Variants in CIT observed in about 807,000 individuals in gnomAD.
The protein encoded by CIT is citron rho-interacting serine/threonine kinase, also known as citron Rho-interacting kinase.
In CIT, 79 loss-of-function variants were observed where a neutral mutation model predicts 272.7. The ratio of observed to expected loss-of-function variants is 0.29; its 90% CI spans 0.24 to 0.35. The LOEUF (loss-of-function observed/expected upper bound fraction) is 0.35. Ranked by LOEUF, CIT falls within the 10% of genes least tolerant of loss-of-function variation. The pLI is 1.00. For missense variants in CIT, 1,909 were observed against 2,618.3 expected, an observed-to-expected ratio of 0.73 and a Z score of 5.91; for synonymous variants, 948 against 995.6, an observed-to-expected ratio of 0.95 and a Z score of 0.90.
intron 3 of CIT, among the ~76,000 whole-genome samples, chr12:119,862,848 CCAAAAA>C (rs1950395337): frequency 1.6e-5 from 1 of 62,180 alleles, no homozygotes; most frequent in African/African-American, 7.5e-5. Context: ...AAAGAAAAAA[CCAAAAA>C]AAAAAACGAG....
At chr12:119,739,336 A>G (rs1227827953) in intron 24 of CIT, among the ~76,000 whole-genome samples, 1 of 152,128 alleles carries the variant, frequency 6.6e-6, no homozygotes, top group Non-Finnish European at 1.5e-5. Context: ...GAGCTTGAAA[A>G]TCTTACTGTG....
At position 119,752,900 on chromosome 12, in the gene CIT, C is replaced by A. The variant is rs139275598; in HGVS notation, c.2707-653G>T. 1.8e-4 allele frequency among the ~76,000 whole-genome samples: 28 copies of A among 152,190 alleles called. No individual in the cohort carries two copies. The East Asian group carries it at 4.6e-3, about 25-fold the overall frequency. ...GGAGAAAAATGAAAACCAACCATGA[C>A]CATATATCATGGTCAAGTGCAACGG... On this transcript the variant is annotated intron_variant, in intron 22 of 47. Transcript: ENST00000392521.
chr12:119,794,235 T>G (rs1022798119), intron 10 of CIT, among the ~76,000 whole-genome samples: 1 of 152,064 alleles, frequency 6.6e-6, no homozygotes, highest in Non-Finnish European at 1.5e-5. Flanking sequence ...TTGCTCAGAG[T>G]TGTGCCTTAA....
chr12:119,732,520 T>A (rs545956948), intron 26 of CIT, among the ~76,000 whole-genome samples: 5 of 152,228 alleles, frequency 3.3e-5, no homozygotes, highest in Admixed American at 2.6e-4. Flanking sequence ...AATAGGAGAC[T>A]TAAACAGCAG....
chr12:119,819,707 G>A (rs1028144971), intron 9 of CIT, among the ~76,000 whole-genome samples: 4 of 152,198 alleles, frequency 2.6e-5, no homozygotes, highest in African/African-American at 7.2e-5. Flanking sequence ...CCATGAACTT[G>A]GGAAACTTAA....
chr12:119,710,455 G>A lies in CIT; in HGVS notation c.4936-69C>T. 1.2e-6 allele frequency: 2 copies of A among 1,612,706 alleles called. No homozygotes were observed. The highest frequency in any genetic ancestry group is 1.3e-5 in the African/African-American group (1 of 74,982). The stretch of plus-strand genomic sequence containing the variant: ...GTCACCAGAACAATCTCTAGTAAGA[G>A]CAACAAGGCCTCCACAGCCCTTTCT... On this transcript the variant is annotated intron_variant, in intron 38 of 47. Coordinates refer to ENST00000392521, the MANE Select transcript of CIT (RefSeq NM_001206999.2). The surrounding 1 kb of genome is among the most constrained non-coding windows in gnomAD (Gnocchi z 5.6).
chr12:119,712,524 T>G lies in CIT; in HGVS notation c.4684+67A>C. On this transcript the variant is annotated intron_variant, in intron 36 of 47. Transcript: ENST00000392521. The surrounding 1 kb of genome is among the most constrained non-coding windows in gnomAD (Gnocchi z 5.2). Reference sequence around the variant, plus strand: ...GAGCCAATCTTCCCTGTACCACCCCTTCTGTCCCTGCTGATTGGCCAAGCC... The same window carrying G: ...GAGCCAATCTTCCCTGTACCACCCCGTCTGTCCCTGCTGATTGGCCAAGCC... The G allele has an allele frequency of 6.7e-7, 1 of 1,486,516 alleles. No individual in the cohort carries two copies. The highest frequency in any genetic ancestry group is 1.4e-5 in the African/African-American group (1 of 72,428). 92.1% of individuals were successfully genotyped at this position (1,486,516 alleles called of 1,614,324 possible). A position where few individuals can be genotyped will look rare whatever the true frequency, so the allele number is the denominator to read the frequency against.
chr12:119,805,395 C>T (rs1966532954), intron 9 of CIT, among the ~76,000 whole-genome samples: 1 of 152,206 alleles, frequency 6.6e-6, no homozygotes, highest in Non-Finnish European at 1.5e-5. Flanking sequence ...GTGTTTACCA[C>T]AGTTCTTAGC....
chr12:119,702,158 G>A (rs1956626614), intron 41 of CIT, among the ~76,000 whole-genome samples, 200 bp from the exon 42 acceptor site: 1 of 151,510 alleles, frequency 6.6e-6, no homozygotes, highest in African/African-American at 2.4e-5. Context: ...AGGTTAGAGT[G>A]CAGTGGTGTG....
intron 5 of CIT, among the ~76,000 whole-genome samples, chr12:119,838,182 C>A (rs1427069368): frequency 1.3e-5 from 2 of 152,130 alleles, no homozygotes; most frequent in Non-Finnish European, 2.9e-5. Flanking sequence ...AAGCGATTCT[C>A]CTGCCTCAGC....
intron 9 of CIT, among the ~76,000 whole-genome samples, chr12:119,811,872 A>G (rs930043655): frequency 2.0e-5 from 3 of 152,040 alleles, no homozygotes; most frequent in Non-Finnish European, 4.4e-5. Context: ...GCAACTAGTC[A>G]TGAGTGCATT....
At chr12:119,719,004 A>C in intron 30 of CIT, 143 bp from the exon 31 acceptor site, 1 of 787,008 alleles carries the variant, frequency 1.3e-6, no homozygotes, top group Non-Finnish European at 2.0e-6. Flanking sequence ...TGGCATGTGA[A>C]GGGGGGGAAG....
At chr12:119,852,355 G>A (rs1465816841) in intron 4 of CIT, among the ~76,000 whole-genome samples, 2 of 152,156 alleles carry the variant, frequency 1.3e-5, no homozygotes, top group African/African-American at 2.4e-5. Flanking sequence ...CAGATTGAAG[G>A]AGACTAAAGA....
Position 119,784,553 on chromosome 12 carries a change from C to T in CIT, c.1401+407G>A, listed in dbSNP as rs1964593986. The T allele has an allele frequency of 5.1e-6, 6 of 1,172,686 alleles. No homozygotes were observed. The highest frequency in any genetic ancestry group is 6.4e-6 in the Non-Finnish European group (6 of 939,082). The allele number at this position is 1,172,686 out of a possible 1,614,324, so 72.6% of individuals were successfully genotyped here. On this transcript the variant is annotated intron_variant, in intron 11 of 47. Transcript: ENST00000392521. This position sits in a 1 kb window ranked among gnomAD's most constrained non-coding sequence, Gnocchi z 4.7. ...GGCAGGAACAGTGAATGTTAAGAGA[C>T]GTTGAGCGTAATCAACACAGTGGCC...
intron 24 of CIT, among the ~76,000 whole-genome samples, chr12:119,739,053 A>G (rs1021403693): frequency 3.3e-5 from 5 of 152,214 alleles, no homozygotes; most frequent in Admixed American, 6.5e-5. Flanking sequence ...TAAAAGTCCA[A>G]TGGCATGTTA....
At chr12:119,743,599 G>A (rs1164099235) in intron 23 of CIT, among the ~76,000 whole-genome samples, 1 of 152,124 alleles carries the variant, frequency 6.6e-6, no homozygotes, top group African/African-American at 2.4e-5. Flanking sequence ...GTAAACATGA[G>A]GTCTGTTATA....
chr12:119,760,343 A>C (rs1244180300), intron 20 of CIT, among the ~76,000 whole-genome samples: 1 of 151,936 alleles, frequency 6.6e-6, no homozygotes, highest in African/African-American at 2.4e-5. Flanking sequence ...AAAAGAAGAG[A>C]AGTGTAGGGC....
chr12:119,811,320 T>C (rs974147274), intron 9 of CIT, among the ~76,000 whole-genome samples: 1 of 152,006 alleles, frequency 6.6e-6, no homozygotes, highest in Non-Finnish European at 1.5e-5. Context: ...ACAAAAAAGG[T>C]AGTTCAAAAA....
chr12:119,720,532 G>C lies in CIT; in HGVS notation c.3786C>G (p.Thr1262=). The C allele has an allele frequency of 6.2e-7, 1 of 1,610,152 alleles. No homozygotes were observed. The highest frequency in any genetic ancestry group is 8.5e-7 in the Non-Finnish European group (1 of 1,179,070). Residue 1262 remains threonine (T), a synonymous_variant, in exon 30 of 48, where the codon ACC becomes ACG. Coordinates refer to ENST00000392521, the MANE Select transcript of CIT (RefSeq NM_001206999.2). ...VKMEGTISQQ[T]KLIDFLQAKM... ...TGGCTTGCAGAAAATCAATGAGTTTGGTTTGTTGAGAAATAGTGCCTTCCA... is the reference window on the plus strand; with the variant it reads ...TGGCTTGCAGAAAATCAATGAGTTTCGTTTGTTGAGAAATAGTGCCTTCCA...
Sources: gnomAD v4.1 joint callset for allele counts (sites outside exome capture counted in the v4.1 genomes callset) on GRCh38, gnomAD v4.1.1 for gene constraint, Gnocchi (gnomAD v3.1) non-coding constraint, MANE v1.5 for transcripts, NCBI Gene and HGNC (gene_info 2026-07-23, HGNC 2026-07-21) for gene names.